The following LCOR variants were observed in gnomAD, a reference collection of about 807,000 sequenced individuals.
The protein encoded by LCOR is ligand-dependent corepressor.
LCOR carries 14 observed loss-of-function variants against 64.4 expected under a neutral mutation model. The observed-to-expected ratio is 0.22, with a 90% confidence interval of 0.14 to 0.34. The LOEUF is 0.34. Ranked by LOEUF, LCOR falls within the 10% of genes least tolerant of loss-of-function variation. The pLI, the probability that LCOR is intolerant of heterozygous loss-of-function variation, is 1.00. For missense variants in LCOR, 1,686 were observed against 1,765.3 expected (o/e 0.96, Z 0.80); for synonymous variants, 643 against 642.5 (o/e 1.00, Z -0.01).
At chr10:96,904,523 G>A (rs1369419062) in intron 2 of LCOR, among the ~76,000 whole-genome samples, 1 of 152,206 alleles carries the variant, frequency 6.6e-6, no homozygotes, top group African/African-American at 2.4e-5. Flanking sequence ...AAGACATGGT[G>A]CAGGTTGCAG....
In LCOR at chr10:96,973,218, C is replaced by T. The variant is rs368625417; in HGVS notation, c.333-7575C>T. Among the ~76,000 whole-genome samples the T allele has an allele frequency of 1.2e-4, 18 of 152,316 alleles. No individual in the cohort carries two copies. The East Asian group carries it at 3.3e-3, about 28-fold the overall frequency. On this transcript the variant is annotated intron_variant, in intron 7 of 7. Coordinates refer to ENST00000421806, the MANE Select transcript of LCOR (RefSeq NM_001346516.2). ...TTCATTTCTCACTTTCCTGTATTCA[C>T]TTTTGCCTACCCTTTCACTGCTTCT...
At chr10:96,949,846 T>C (rs780729814) in intron 6 of LCOR, among the ~76,000 whole-genome samples, 10 of 152,184 alleles carry the variant, frequency 6.6e-5, no homozygotes, top group East Asian at 1.9e-4. Flanking sequence ...CAGAAACACA[T>C]ATATAAACAC....
chr10:96,883,016 T>C (rs1846287954), intron 2 of LCOR, among the ~76,000 whole-genome samples: 1 of 152,190 alleles, frequency 6.6e-6, no homozygotes, highest in Non-Finnish European at 1.5e-5. Flanking sequence ...AAAGCCACTA[T>C]AAAATTTGTG....
At chr10:96,851,022 G>A (rs1845713764) in intron 2 of LCOR, among the ~76,000 whole-genome samples, 1 of 152,206 alleles carries the variant, frequency 6.6e-6, no homozygotes, top group Non-Finnish European at 1.5e-5. Context: ...GAGTAAACTT[G>A]ATGTAATAGG....
chr10:96,920,804 G>T (rs1040821492), intron 4 of LCOR, among the ~76,000 whole-genome samples: 3 of 148,660 alleles, frequency 2.0e-5, no homozygotes. Context: ...GCGGTGGGGG[G>T]GTGGTGGGCG....
At chr10:96,975,887 C>CTT (rs1848035811) in intron 7 of LCOR, among the ~76,000 whole-genome samples, 1 of 151,910 alleles carries the variant, frequency 6.6e-6, no homozygotes, top group African/African-American at 2.4e-5. Flanking sequence ...TGGTGGTGGG[C>CTT]GCCTGTAATC....
chr10:96,938,791 A>T (rs750272007), intron 4 of LCOR, among the ~76,000 whole-genome samples: 143 of 152,364 alleles, frequency 9.4e-4, no homozygotes, highest in Non-Finnish European at 1.7e-3. Context: ...AGTAGCATCA[A>T]AAATAATACA....
In LCOR at chr10:96,944,110, C is replaced by T; in HGVS notation, c.-183-3C>T. On this transcript the variant is annotated splice_region_variant and splice_polypyrimidine_tract_variant and intron_variant, in intron 4 of 7. Transcript: ENST00000421806. ...GCAACTATTTCACCAAGTATTTTTG[C>T]AGGGACACTTAGTCGGTCTGGATGA... 1.0e-6 allele frequency: 1 copy of T among 985,572 alleles called. No homozygotes were observed. The allele number at this position is 985,572 out of a possible 1,614,324, so 61.1% of individuals were successfully genotyped here.
chr10:96,848,817 A>G (rs1845675054), intron 2 of LCOR, among the ~76,000 whole-genome samples: 4 of 152,146 alleles, frequency 2.6e-5, no homozygotes, highest in Admixed American at 2.6e-4. Flanking sequence ...TGCCAGGAAT[A>G]TTCTTTCAGG....
intron 4 of LCOR, among the ~76,000 whole-genome samples, chr10:96,924,387 G>C (rs999768994): frequency 6.6e-6 from 1 of 151,582 alleles, no homozygotes; most frequent in African/African-American, 2.4e-5. Context: ...TTGTTTGTTT[G>C]TTTGTTTGTT....
At position 96,920,283 on chromosome 10, in the gene LCOR, G is replaced by A. The variant is rs1298943600; in HGVS notation, c.-184+12536G>A. Among the ~76,000 whole-genome samples, 5 of 151,352 alleles carry A rather than the reference G, an allele frequency of 3.3e-5. No individual in the cohort carries two copies. The East Asian group carries it at 9.6e-4, about 29-fold the overall frequency. On this transcript the variant is annotated intron_variant, in intron 4 of 7. Coordinates refer to ENST00000421806, the MANE Select transcript of LCOR (RefSeq NM_001346516.2). The stretch of plus-strand genomic sequence containing the variant: ...GTGCTGAACAGCTTTTCATGTGATT[G>A]TTGGTCATTTGTATATCATGTTTAA...
chr10:96,851,450 G>A (rs1368501038), intron 2 of LCOR, among the ~76,000 whole-genome samples: 1 of 152,188 alleles, frequency 6.6e-6, no homozygotes, highest in Non-Finnish European at 1.5e-5. Flanking sequence ...CATGAATCAA[G>A]ATGATTGTGA....
At chr10:96,863,021 C>T (rs1480552402) in intron 2 of LCOR, among the ~76,000 whole-genome samples, 9 of 150,896 alleles carry the variant, frequency 6.0e-5, no homozygotes, top group African/African-American at 2.2e-4. Context: ...GCTGGGATTA[C>T]AGGCACCCAC....
At chr10:96,834,636 A>G (rs573280375) in intron 2 of LCOR, among the ~76,000 whole-genome samples, 60 of 152,082 alleles carry the variant, frequency 3.9e-4, no homozygotes, top group Non-Finnish European at 6.9e-4. Flanking sequence ...TAGTTCTTGT[A>G]TGTTTTACAT....
chr10:96,944,812 A>G (rs1323501842), intron 5 of LCOR, among the ~76,000 whole-genome samples: 1 of 152,128 alleles, frequency 6.6e-6, no homozygotes, highest in Non-Finnish European at 1.5e-5. Context: ...TTTAAAATTT[A>G]TCTTTTTCCT....
chr10:96,868,808 G>A (rs754258304), intron 2 of LCOR, among the ~76,000 whole-genome samples: 3 of 152,284 alleles, frequency 2.0e-5, no homozygotes, highest in Non-Finnish European at 2.9e-5. Flanking sequence ...GATAGGGACC[G>A]TCATCTGTCT....
At chr10:96,975,888 G>T (rs952633937) in intron 7 of LCOR, among the ~76,000 whole-genome samples, 4 of 151,898 alleles carry the variant, frequency 2.6e-5, no homozygotes, top group Admixed American at 2.6e-4. Flanking sequence ...GGTGGTGGGC[G>T]CCTGTAATCC....
Position 96,981,231 on chromosome 10 carries a change from T to C in LCOR, c.771T>C (p.Ser257=), listed in dbSNP as rs921688967. ...SSELPTTKSN[S]INSSSVDSFT... ...AACTTCCAACCACTAAATCGAATTCTATTAATAGCAGTTCAGTGGATAGTT... is the reference window on the plus strand; with the variant it reads ...AACTTCCAACCACTAAATCGAATTCCATTAATAGCAGTTCAGTGGATAGTT... The change falls in exon 8 of 8, where the codon TCT becomes TCC. Residue 257 remains serine, a synonymous_variant. Transcript: ENST00000421806. The C allele has an allele frequency of 5.9e-6, 5 of 847,148 alleles. No individual in the cohort carries two copies. In the South Asian group the frequency reaches 7.1e-5, roughly 12 times the overall value. The allele number at this position is 847,148 out of a possible 1,614,324, so 52.5% of individuals were successfully genotyped here. A position where few individuals can be genotyped will look rare whatever the true frequency, so the allele number is the denominator to read the frequency against.
intron 2 of LCOR, among the ~76,000 whole-genome samples, chr10:96,851,712 A>G (rs556574952): frequency 6.6e-6 from 1 of 152,206 alleles, no homozygotes; most frequent in Non-Finnish European, 1.5e-5. Flanking sequence ...GGGTCTCTCA[A>G]CTGCTTCTGA....
Sources: allele counts gnomAD v4.1 joint callset (sites outside exome capture counted in the v4.1 genomes callset), GRCh38; gene constraint gnomAD v4.1.1; transcripts MANE v1.5; gene names NCBI Gene and HGNC (gene_info 2026-07-23, HGNC 2026-07-21).